The following PRPF31 variants were observed in gnomAD, a reference collection of about 807,000 sequenced individuals.
The protein encoded by PRPF31 is U4/U6 small nuclear ribonucleoprotein Prp31.
PRPF31 carries 12 observed loss-of-function variants against 60.4 expected under a neutral mutation model. The ratio of observed to expected loss-of-function variants is 0.20; its 90% CI spans 0.13 to 0.32. PRPF31 has a LOEUF of 0.32. Among genes scored for constraint, PRPF31 ranks in the 10% least tolerant of loss-of-function variants. The pLI, the probability that PRPF31 is intolerant of heterozygous loss-of-function variation, is 1.00. For synonymous variants in PRPF31, 287 were observed against 287.9 expected, an observed-to-expected ratio of 1.00 and a Z score of 0.03; for missense variants, 431 against 687.1, an observed-to-expected ratio of 0.63 and a Z score of 4.17.
chr19:54,123,014 C>T (rs1434817676), intron 5 of PRPF31: 3 of 440,602 alleles, frequency 6.8e-6, no homozygotes, highest in African/African-American at 2.0e-5. Context: ...GCCTTTGGGT[C>T]TTAGGAGAAA....
intron 13 of PRPF31, among the ~76,000 whole-genome samples, chr19:54,129,735 C>A (rs1384173703): frequency 1.3e-5 from 2 of 148,774 alleles, no homozygotes; most frequent in Non-Finnish European, 3.0e-5. Context: ...GAGAAAGTTC[C>A]CGGCTAGGCG....
Position 54,131,487 on chromosome 19 carries a change from C to T in PRPF31, c.*55C>T. On this transcript the variant is annotated 3_prime_UTR_variant, in exon 14 of 14. Coordinates refer to ENST00000321030, the MANE Select transcript of PRPF31 (RefSeq NM_015629.4). ...ACTGAAGGGACACAGAGGTCCAGTC[C>T]TTCTGAAGGGCTAGGATCGGGTTCT... 3.7e-6 allele frequency: 6 copies of T among 1,605,762 alleles called. No individual in the cohort carries two copies. In the South Asian group the frequency reaches 5.5e-5, roughly 15 times the overall value.
intron 5 of PRPF31, chr19:54,123,070 G>A (rs1461994868): frequency 1.1e-5 from 5 of 462,066 alleles, no homozygotes; most frequent in Middle Eastern, 6.2e-4. Flanking sequence ...GCGTGAGGGC[G>A]GGGAGAGGAG....
intron 9 of PRPF31, 118 bp downstream of exon 9, chr19:54,126,735 G>A: frequency 4.7e-6 from 5 of 1,056,598 alleles, no homozygotes; most frequent in Non-Finnish European, 5.7e-6. Context: ...CCAAGGCGGA[G>A]GCAGTGCTTC....
At chr19:54,130,633 AAAAAAG>A (rs1411060098) in intron 13 of PRPF31, among the ~76,000 whole-genome samples, 2 of 150,966 alleles carry the variant, frequency 1.3e-5, no homozygotes, top group African/African-American at 4.9e-5. Flanking sequence ...TCAAAAAAAA[AAAAAAG>A]AAGGCAGAAA....
At chr19:54,125,197 A>T (rs1447027272) in intron 8 of PRPF31, 2 of 172,674 alleles carry the variant, frequency 1.2e-5, no homozygotes, top group African/African-American at 4.7e-5. Flanking sequence ...CAGCACACAC[A>T]CAGGCCCGCT....
chr19:54,121,379 A>C (rs2073784301), intron 3 of PRPF31, among the ~76,000 whole-genome samples: 1 of 151,172 alleles, frequency 6.6e-6, no homozygotes, highest in South Asian at 2.1e-4. Flanking sequence ...GGAGTGGAAT[A>C]AAATGAGGTG....
At chr19:54,123,403 C>T (rs774673324) in intron 5 of PRPF31, 51 bp from the exon 6 acceptor site, 11 of 1,416,728 alleles carry the variant, frequency 7.8e-6, no homozygotes, top group South Asian at 2.3e-5. Flanking sequence ...GAGAGGTTCT[C>T]GAGCCTTCCT....
intron 8 of PRPF31, 94 bp from the exon 9 acceptor site, chr19:54,126,434 G>C (rs1451961865): frequency 4.3e-5 from 52 of 1,214,926 alleles, no homozygotes; most frequent in Non-Finnish European, 5.7e-5. Context: ...CAGGACCCCA[G>C]GTAGAGCCAG....
intron 11 of PRPF31, 143 bp from the exon 12 acceptor site, chr19:54,128,914 C>G: frequency 1.2e-6 from 1 of 861,704 alleles, no homozygotes; most frequent in Non-Finnish European, 1.9e-6. Context: ...AGGCCTCAGC[C>G]GGGCCGAGTG....
intron 1 of PRPF31, among the ~76,000 whole-genome samples, chr19:54,117,253 A>C (rs2146387715): frequency 6.6e-6 from 1 of 152,330 alleles, no homozygotes; most frequent in East Asian, 1.9e-4. Context: ...TGGTGAAAGT[A>C]AAGCAGCTTT....
At chr19:54,122,035 CT>C in intron 4 of PRPF31, 92 bp downstream of exon 4, 1 of 1,344,062 alleles carries the variant, frequency 7.4e-7, no homozygotes, top group East Asian at 2.5e-5. Context: ...GGTCCTGCCC[CT>C]AAGCCCAAGC....
chr19:54,117,279 G>A (rs2073670885), intron 1 of PRPF31, among the ~76,000 whole-genome samples: 1 of 152,130 alleles, frequency 6.6e-6, no homozygotes, highest in Non-Finnish European at 1.5e-5. Context: ...TCAAATGCTC[G>A]CAGATGAGAA....
chr19:54,123,574 G>C lies in PRPF31; in HGVS notation c.527+14G>C, dbSNP rs773920709. The C allele has an allele frequency of 2.4e-5, 38 of 1,613,276 alleles. No individual in the cohort carries two copies. Among genetic ancestry groups the C allele is most frequent in the Middle Eastern group, 1.6e-4 (1 of 6,084 alleles). The stretch of plus-strand genomic sequence containing the variant: ...CACCACCCAGGGGTATGTCCGCTTC[G>C]AGGGAGGCGCCGGGCCCTAATGGGA... On this transcript the variant is annotated intron_variant, in intron 6 of 13. Coordinates refer to ENST00000321030, the MANE Select transcript of PRPF31 (RefSeq NM_015629.4).
chr19:54,128,550 C>T (rs750250358), intron 11 of PRPF31, among the ~76,000 whole-genome samples, 173 bp downstream of exon 11: 57 of 133,524 alleles, frequency 4.3e-4, no homozygotes, highest in Middle Eastern at 3.8e-3. Flanking sequence ...AGCCCCAAAG[C>T]GACCCTCGCG....
Position 54,129,107 on chromosome 19 carries a change from G to A in PRPF31, c.1197G>A (p.Leu399=), listed in dbSNP as rs2073993830. Residue 399 remains leucine (L), a synonymous_variant, in exon 12 of 14, where the codon CTG becomes CTA. Transcript: ENST00000321030. ...ACCTGGGATTCAGCCTGGGCCACCT[G>A]GGCAAGTCGGGCAGTGGGCGTGTGC... is the stretch of plus-strand genomic sequence containing the variant. The part of the protein sequence containing the change: ...QEDLGFSLGH[L]GKSGSGRVRQ... The A allele has an allele frequency of 6.3e-7, 1 of 1,581,328 alleles. No homozygotes were observed. The highest frequency in any genetic ancestry group is 1.3e-5 in the African/African-American group (1 of 74,642).
At chr19:54,128,253 G>T (rs1236413343) in intron 10 of PRPF31, 52 bp from the exon 11 acceptor site, 3 of 1,558,862 alleles carry the variant, frequency 1.9e-6, no homozygotes, top group Non-Finnish European at 2.6e-6. Context: ...GGGAGAAGCC[G>T]GCGTCCTCCT....
chr19:54,122,754 G>C (rs2073824319), intron 5 of PRPF31, 160 bp downstream of exon 5: 1 of 715,886 alleles, frequency 1.4e-6, no homozygotes, highest in Non-Finnish European at 2.5e-6. Flanking sequence ...ACGGAGCCTG[G>C]ACAGGACTTT....
rs1237926586 is a variant in PRPF31 at position 54,122,483 on chromosome 19, CCCGTTTA to C, written c.323-11_323-5del. 1 of 1,599,198 alleles carries C rather than the reference CCCGTTTA, an allele frequency of 6.3e-7. No homozygotes were observed. The highest frequency in any genetic ancestry group is 2.2e-5 in the East Asian group (1 of 44,796). ...TCCATCTCACCCGACAACCTCCTGT[CCCGTTTA>C]CCCTAGACATCATCCATAAGTTCAT... is the stretch of plus-strand genomic sequence containing the variant. On this transcript the variant is annotated splice_polypyrimidine_tract_variant and splice_region_variant and intron_variant, in intron 4 of 13. Coordinates refer to ENST00000321030, the MANE Select transcript of PRPF31 (RefSeq NM_015629.4).
Sources: allele counts gnomAD v4.1 joint callset (sites outside exome capture counted in the v4.1 genomes callset), GRCh38; gene constraint gnomAD v4.1.1; transcripts MANE v1.5; gene names NCBI Gene and HGNC (gene_info 2026-07-23, HGNC 2026-07-21).